Variants in CDH17 observed in about 807,000 individuals in gnomAD.
CDH17 encodes the protein cadherin-17.
In CDH17, 67 loss-of-function variants were observed where a neutral mutation model predicts 86.3. The ratio of observed to expected loss-of-function variants is 0.78; its 90% CI spans 0.64 to 0.95. CDH17 has a LOEUF of 0.95. Among genes scored for constraint, CDH17 ranks in the 40% least tolerant of loss-of-function variants. The pLI is 0.00. For synonymous variants in CDH17, 367 were observed against 366.4 expected, an observed-to-expected ratio of 1.00 and a Z score of -0.02; for missense variants, 993 against 1,017.6, an observed-to-expected ratio of 0.98 and a Z score of 0.33.
chr8:94,143,892 G>A (rs1430266363), intron 15 of CDH17, among the ~76,000 whole-genome samples: 1 of 152,110 alleles, frequency 6.6e-6, no homozygotes, highest in Non-Finnish European at 1.5e-5. Context: ...CTCCCTTAAT[G>A]GCAATAAGGC....
At chr8:94,164,075 T>C (rs376321158) in intron 10 of CDH17, among the ~76,000 whole-genome samples, 6 of 152,254 alleles carry the variant, frequency 3.9e-5, no homozygotes, top group South Asian at 4.1e-4. Flanking sequence ...GACGTACTCA[T>C]GCAAATAAAC....
chr8:94,191,700 C>G (rs987417696), intron 2 of CDH17, among the ~76,000 whole-genome samples: 2 of 152,060 alleles, frequency 1.3e-5, no homozygotes, highest in Admixed American at 1.3e-4. Flanking sequence ...GTGATCCACC[C>G]GCCTCAGCCT....
At chr8:94,172,885 G>A (rs1266812116) in intron 7 of CDH17, among the ~76,000 whole-genome samples, 4 of 152,140 alleles carry the variant, frequency 2.6e-5, no homozygotes, top group Non-Finnish European at 5.9e-5. Context: ...CAGGGGTGAG[G>A]GAGTTTCCAA....
chr8:94,195,554 A>G (rs1380582218), intron 1 of CDH17, among the ~76,000 whole-genome samples: 1 of 151,886 alleles, frequency 6.6e-6, no homozygotes, highest in Non-Finnish European at 1.5e-5. Flanking sequence ...AAAAATCTGA[A>G]CTCTGTCCTT....
At chr8:94,142,797 A>T (rs1289101474) in intron 15 of CDH17, among the ~76,000 whole-genome samples, 1 of 152,210 alleles carries the variant, frequency 6.6e-6, no homozygotes, top group Non-Finnish European at 1.5e-5. Context: ...ACTCTCATTC[A>T]TTCCAGTTTG....
intron 5 of CDH17, among the ~76,000 whole-genome samples, chr8:94,174,710 T>C (rs908398023): frequency 1.3e-5 from 2 of 152,322 alleles, no homozygotes; most frequent in South Asian, 2.1e-4. Context: ...CAACTGCATA[T>C]CTGTGTGAGG....
intron 1 of CDH17, among the ~76,000 whole-genome samples, chr8:94,208,226 C>T (rs1244247828): frequency 6.6e-6 from 1 of 152,128 alleles, no homozygotes; most frequent in Non-Finnish European, 1.5e-5. Context: ...ATTCCACTGC[C>T]AAGCTTGATT....
chr8:94,198,762 G>C (rs1813834486), intron 1 of CDH17, among the ~76,000 whole-genome samples: 1 of 152,134 alleles, frequency 6.6e-6, no homozygotes, highest in South Asian at 2.1e-4. Flanking sequence ...GCCTGGCCCA[G>C]AGAAAATGGA....
upstream of CDH17, among the ~76,000 whole-genome samples, chr8:94,212,501 T>TG (rs557406815): frequency 2.2e-3 from 288 of 128,812 alleles, 1 homozygote; most frequent in Middle Eastern, 3.6e-3. Flanking sequence ...GTTGTTGAGT[T>TG]TTTTTTTTTT....
intron 15 of CDH17, among the ~76,000 whole-genome samples, chr8:94,135,968 G>A (rs1286436947): frequency 6.6e-6 from 1 of 152,204 alleles, no homozygotes; most frequent in East Asian, 1.9e-4. Flanking sequence ...CTTTAAGAAC[G>A]TTGAATATTG....
At chr8:94,160,259 A>T (rs11785909) in intron 11 of CDH17, 97 bp from the exon 12 acceptor site, 263,840 of 896,034 alleles carry the variant, frequency 0.29, 40,405 homozygotes, top group Middle Eastern at 0.34. Flanking sequence ...GACACAAGTC[A>T]TAGTTTGCAT....
At chr8:94,132,413 T>C (rs979428090) in intron 15 of CDH17, among the ~76,000 whole-genome samples, 8 of 152,242 alleles carry the variant, frequency 5.3e-5, no homozygotes, top group African/African-American at 1.9e-4. Flanking sequence ...TTGATTTGCA[T>C]TTCTCTGATG....
upstream of CDH17, among the ~76,000 whole-genome samples, chr8:94,212,502 T>G (rs563651538): frequency 2.8e-3 from 427 of 151,200 alleles, 4 homozygotes; most frequent in African/African-American, 9.3e-3. Flanking sequence ...TTGTTGAGTT[T>G]TTTTTTTTTG....
At chr8:94,207,563 C>A (rs1814053952) in intron 1 of CDH17, among the ~76,000 whole-genome samples, 1 of 152,202 alleles carries the variant, frequency 6.6e-6, no homozygotes, top group Admixed American at 6.5e-5. Flanking sequence ...CTGGTGAGAG[C>A]TGAATAGCAT....
chr8:94,141,488 A>T (rs1251229593), intron 15 of CDH17, among the ~76,000 whole-genome samples: 2 of 152,166 alleles, frequency 1.3e-5, no homozygotes, highest in Admixed American at 1.3e-4. Context: ...AGGCATACAG[A>T]CTGAAAAGGA....
rs1389539493 is a variant in CDH17 at position 94,165,760 on chromosome 8, C to T, written c.1282+1G>A. ...CTCAAGACGGTGGATATGATACTAA[C>T]CTTTGTCAGACACCTCTATCGTTAA... On this transcript the variant is annotated splice_donor_variant, in intron 10 of 17. Coordinates refer to ENST00000027335, the MANE Select transcript of CDH17 (RefSeq NM_004063.4). LOFTEE classifies it high-confidence loss of function. The T allele has an allele frequency of 6.2e-7, 1 of 1,600,200 alleles. No homozygotes were observed. Among genetic ancestry groups the T allele is most frequent in the Admixed American group, 1.7e-5 (1 of 59,972 alleles).
chr8:94,167,634 A>G lies in CDH17; in HGVS notation c.1067-1658T>C, dbSNP rs1813182555. On this transcript the variant is annotated intron_variant, in intron 9 of 17. Coordinates refer to ENST00000027335, the MANE Select transcript of CDH17 (RefSeq NM_004063.4). ...AAAAGTATCTGTGTGCTGGGATGAAAGAGTGTCTTACTAAATTCTGTGGTC... is the reference window on the plus strand; with the variant it reads ...AAAAGTATCTGTGTGCTGGGATGAAGGAGTGTCTTACTAAATTCTGTGGTC... Among the ~76,000 whole-genome samples, 3 of 152,166 alleles carry G rather than the reference A, an allele frequency of 2.0e-5. No individual in the cohort carries two copies. The South Asian group carries it at 6.2e-4, about 32-fold the overall frequency.
At chr8:94,151,400 A>C (rs943748219) in intron 13 of CDH17, among the ~76,000 whole-genome samples, 5 of 152,162 alleles carry the variant, frequency 3.3e-5, no homozygotes, top group Non-Finnish European at 7.4e-5. Context: ...GAGCCAAGGA[A>C]CCTATGTATC....
At chr8:94,191,139 C>A (rs1218650220) in intron 2 of CDH17, among the ~76,000 whole-genome samples, 1 of 145,846 alleles carries the variant, frequency 6.9e-6, no homozygotes, top group African/African-American at 2.4e-5. Context: ...AGTGGTCAAG[C>A]TTCCATATTC....
Sources: gnomAD v4.1 joint callset for allele counts (sites outside exome capture counted in the v4.1 genomes callset) on GRCh38, gnomAD v4.1.1 for gene constraint, MANE v1.5 for transcripts, NCBI Gene and HGNC (gene_info 2026-07-23, HGNC 2026-07-21) for gene names.